FZD3: variants seen among roughly 807,000 people sequenced by gnomAD.
FZD3 encodes frizzled class receptor 3.
A neutral mutation model predicts 60.7 loss-of-function variants in FZD3; 30 were observed. That is an observed-to-expected ratio of 0.49 (90% confidence interval 0.37 to 0.67). The LOEUF (loss-of-function observed/expected upper bound fraction) is 0.67. Among genes scored for constraint, FZD3 ranks in the 30% least tolerant of loss-of-function variants. The probability of loss-of-function intolerance (pLI) is 0.00; values close to 1 mark genes in which losing one functional copy is unlikely to be tolerated. For synonymous variants in FZD3, 246 were observed against 275.2 expected, an observed-to-expected ratio of 0.89 and a Z score of 1.05; for missense variants, 605 against 838.7, an observed-to-expected ratio of 0.72 and a Z score of 3.44.
At chr8:28,540,430 T>C (rs895399005) in intron 5 of FZD3, among the ~76,000 whole-genome samples, 2 of 152,150 alleles carry the variant, frequency 1.3e-5, no homozygotes, top group Non-Finnish European at 2.9e-5. Context: ...TTTCACCATA[T>C]TGGTCAGGTT....
chr8:28,534,784 A>G (rs2130404121), intron 5 of FZD3, among the ~76,000 whole-genome samples: 1 of 152,324 alleles, frequency 6.6e-6, no homozygotes, highest in Admixed American at 6.5e-5. Flanking sequence ...TTTTTAGAGG[A>G]ATCTTATACA....
chr8:28,514,038 T>G (rs1294878332), intron 3 of FZD3, among the ~76,000 whole-genome samples: 1 of 152,228 alleles, frequency 6.6e-6, no homozygotes, highest in Non-Finnish European at 1.5e-5. Flanking sequence ...GAAGGTTCCC[T>G]GTAGTGCACC....
chr8:28,523,967 A>T (rs576109329), intron 4 of FZD3, among the ~76,000 whole-genome samples: 35 of 151,612 alleles, frequency 2.3e-4, no homozygotes, highest in African/African-American at 7.3e-4. Context: ...CTGGCCCCAC[A>T]TCCTCTCTCT....
intron 2 of FZD3, among the ~76,000 whole-genome samples, chr8:28,502,422 G>A (rs1425065922): frequency 2.6e-5 from 4 of 152,096 alleles, no homozygotes; most frequent in African/African-American, 9.7e-5. Flanking sequence ...ATGAGAAGTT[G>A]AACCATGTGT....
chr8:28,541,140 CCTT>C (rs998388252), intron 5 of FZD3, among the ~76,000 whole-genome samples: 22 of 93,752 alleles, frequency 2.3e-4, no homozygotes, highest in African/African-American at 4.3e-4. Context: ...AATGTATTCT[CCTT>C]CTTCTTTGTT....
intron 6 of FZD3, among the ~76,000 whole-genome samples, chr8:28,553,253 G>A (rs960057628): frequency 6.6e-5 from 10 of 152,200 alleles, no homozygotes; most frequent in Admixed American, 2.6e-4. Flanking sequence ...TCGTCTTCTA[G>A]GCATTTATTC....
Position 28,568,671 on chromosome 8 carries a change from T to G in FZD3, c.*5660T>G, listed in dbSNP as rs1805747821. The stretch of plus-strand genomic sequence containing the variant: ...ATGTTTCTTATTCTGTGATCTCTAA[T>G]TAGAAAGTAAAATTCTGTTGCCATA... On this transcript the variant is annotated 3_prime_UTR_variant, in exon 8 of 8. Transcript: ENST00000240093. 6.6e-6 allele frequency: 1 copy of G among 152,290 alleles called. No individual in the cohort carries two copies. The highest frequency in any genetic ancestry group is 2.1e-4 in the South Asian group (1 of 4,830). The allele number at this position is 152,290 out of a possible 1,614,324, so 9.4% of individuals were successfully genotyped here.
intron 7 of FZD3, among the ~76,000 whole-genome samples, chr8:28,559,867 T>C (rs1805583553): frequency 6.6e-6 from 1 of 152,222 alleles, no homozygotes. Context: ...TTCCCAATAC[T>C]CACTCTGGCC....
intron 5 of FZD3, among the ~76,000 whole-genome samples, chr8:28,528,383 A>G (rs1041243182): frequency 5.3e-5 from 8 of 151,676 alleles, no homozygotes; most frequent in African/African-American, 1.9e-4. Flanking sequence ...AGTCTACACT[A>G]TGGGCTTTTA....
chr8:28,555,366 T>C (rs773564236), intron 6 of FZD3, among the ~76,000 whole-genome samples: 3 of 152,218 alleles, frequency 2.0e-5, no homozygotes, highest in Non-Finnish European at 2.9e-5. Flanking sequence ...ATGATAGATT[T>C]CTTTGGCTGA....
chr8:28,500,504 A>G lies in FZD3; in HGVS notation c.-345+526A>G, dbSNP rs113243626. On this transcript the variant is annotated intron_variant, in intron 2 of 7. Coordinates refer to ENST00000240093, the MANE Select transcript of FZD3 (RefSeq NM_017412.4). ...CTGCTTGAAAAATAGATTAGTTTAA[A>G]TGAAATTTTTGAAATTCTTGTTGTT... 9.2e-3 allele frequency among the ~76,000 whole-genome samples: 1,402 copies of G among 152,266 alleles called. 25 individuals are homozygous for G. The highest frequency in any genetic ancestry group is 0.032 in the African/African-American group (1,315 of 41,534).
chr8:28,553,233 C>CA (rs1563405115), intron 6 of FZD3, among the ~76,000 whole-genome samples: 1 of 151,732 alleles, frequency 6.6e-6, no homozygotes, highest in Non-Finnish European at 1.5e-5. Flanking sequence ...CAATAGCAAC[C>CA]AAAAAAAATT....
rs28491847 is a variant in FZD3 at position 28,521,987 on chromosome 8, A to C, written c.386+1153A>C. ...CTTACTTGACAGATGGAGAAACTTA[A>C]GAAATAATAAATCCTGTACAGTAAG... On this transcript the variant is annotated intron_variant, in intron 4 of 7. Transcript: ENST00000240093. Among the ~76,000 whole-genome samples the C allele has an allele frequency of 4.7e-4, 72 of 152,350 alleles. 1 individual carries two copies. Among genetic ancestry groups the C allele is most frequent in the African/African-American group, 1.4e-3 (60 of 41,576 alleles).
At chr8:28,500,918 G>A (rs1383080533) in intron 2 of FZD3, among the ~76,000 whole-genome samples, 3 of 151,958 alleles carry the variant, frequency 2.0e-5, no homozygotes, top group African/African-American at 7.3e-5. Context: ...CTGCCACCAC[G>A]CCTGGCTAAT....
chr8:28,559,080 A>G lies in FZD3; in HGVS notation c.1787+3109A>G, dbSNP rs75248687. 2.2e-4 allele frequency among the ~76,000 whole-genome samples: 33 copies of G among 152,352 alleles called. No individual in the cohort carries two copies. The East Asian group carries it at 5.6e-3, about 26-fold the overall frequency. ...TGAAAGTATCTTAAAGGAGATACGT[A>G]GGGTGAATGAACAGTAAAAGATGAG... On this transcript the variant is annotated intron_variant, in intron 7 of 7. Coordinates refer to ENST00000240093, the MANE Select transcript of FZD3 (RefSeq NM_017412.4).
intron 3 of FZD3, among the ~76,000 whole-genome samples, chr8:28,511,732 T>C (rs1456999086): frequency 6.6e-6 from 1 of 152,216 alleles, no homozygotes; most frequent in Non-Finnish European, 1.5e-5. Flanking sequence ...AGTGACTCTC[T>C]TCTCCATACT....
At chr8:28,558,553 C>G (rs1402675836) in intron 7 of FZD3, among the ~76,000 whole-genome samples, 1 of 152,084 alleles carries the variant, frequency 6.6e-6, no homozygotes, top group Non-Finnish European at 1.5e-5. Context: ...GCCTCAGCCC[C>G]CTGAGTAGCT....
intron 3 of FZD3, among the ~76,000 whole-genome samples, chr8:28,512,718 G>C (rs955400869): frequency 1.3e-5 from 2 of 151,966 alleles, no homozygotes; most frequent in African/African-American, 4.8e-5. Flanking sequence ...GGTAAATACC[G>C]CAAAAAAGCA....
chr8:28,502,798 G>A lies in FZD3; in HGVS notation c.-216G>A. On this transcript the variant is annotated 5_prime_UTR_variant, in exon 3 of 8. It removes an upstream start codon present in the reference 5' UTR. Transcript: ENST00000240093. ...ATAAAATGAAAAGAAGAGACAAGAT[G>A]ATGTCATTTTCCCATATTGTGAAAC... The A allele has an allele frequency of 2.8e-6, 1 of 357,476 alleles. No individual in the cohort carries two copies. 22.1% of individuals were successfully genotyped at this position (357,476 alleles called of 1,614,324 possible). A position where few individuals can be genotyped will look rare whatever the true frequency, so the allele number is the denominator to read the frequency against.
Sources: gnomAD v4.1 joint callset for allele counts (sites outside exome capture counted in the v4.1 genomes callset) on GRCh38, gnomAD v4.1.1 for gene constraint, MANE v1.5 for transcripts, NCBI Gene and HGNC (gene_info 2026-07-23, HGNC 2026-07-21) for gene names.